Variants in RFX4 observed in about 807,000 individuals in gnomAD.
RFX4 encodes regulatory factor X4.
Under a neutral mutation model 95.0 loss-of-function variants are expected in RFX4, and 10 were observed. That is an observed-to-expected ratio of 0.11 (90% CI 0.06 to 0.18). The LOEUF (loss-of-function observed/expected upper bound fraction) is 0.18, where lower values mean the gene tolerates loss of function less well. Ranked by LOEUF, RFX4 falls within the 10% of genes least tolerant of loss-of-function variation. RFX4 has a pLI of 1.00. For missense variants in RFX4, 640 were observed against 922.0 expected, an observed-to-expected ratio of 0.69 and a Z score of 3.96; for synonymous variants, 321 against 340.7, an observed-to-expected ratio of 0.94 and a Z score of 0.64.
At chr12:106,607,219 G>A (rs1463634010) in intron 1 of RFX4, among the ~76,000 whole-genome samples, 1 of 152,044 alleles carries the variant, frequency 6.6e-6, no homozygotes, top group African/African-American at 2.4e-5. Context: ...ATACAGAATC[G>A]GCCAACAAAG....
intron 7 of RFX4, among the ~76,000 whole-genome samples, chr12:106,689,594 G>A (rs2041737386): frequency 1.3e-5 from 2 of 152,090 alleles, no homozygotes; most frequent in African/African-American, 4.8e-5. Flanking sequence ...TCCTTTGACT[G>A]AACTGGTGAA....
At chr12:106,617,950 C>T (rs144485774) in intron 2 of RFX4, among the ~76,000 whole-genome samples, 1,648 of 152,242 alleles carry the variant, frequency 0.011, 15 homozygotes, top group Admixed American at 0.019. Flanking sequence ...TGGTCTTGAA[C>T]TCCTGACCTC....
chr12:106,758,185 G>T (rs143703591), intron 17 of RFX4, among the ~76,000 whole-genome samples: 1 of 152,160 alleles, frequency 6.6e-6, no homozygotes, highest in African/African-American at 2.4e-5. Flanking sequence ...GAGGTGAGGC[G>T]GGTGCCACGG....
chr12:106,736,535 C>T (rs115301273), intron 15 of RFX4, among the ~76,000 whole-genome samples: 3 of 152,152 alleles, frequency 2.0e-5, no homozygotes, highest in Non-Finnish European at 4.4e-5. Context: ...AACCGACTCT[C>T]TTAAAAGCCC....
intron 17 of RFX4, among the ~76,000 whole-genome samples, chr12:106,759,108 AG>A (rs1261384596): frequency 6.6e-6 from 1 of 152,254 alleles, no homozygotes; most frequent in Non-Finnish European, 1.5e-5. Context: ...CAGGATGGTA[AG>A]GCCCCGGCCC....
chr12:106,742,686 C>A (rs1483373833), intron 15 of RFX4, among the ~76,000 whole-genome samples: 1 of 152,204 alleles, frequency 6.6e-6, no homozygotes, highest in East Asian at 1.9e-4. Context: ...ACACATTCAA[C>A]TGTAAGAAAC....
intron 15 of RFX4, among the ~76,000 whole-genome samples, chr12:106,744,875 G>C (rs182220966): frequency 6.6e-6 from 1 of 152,294 alleles, no homozygotes; most frequent in African/African-American, 2.4e-5. Context: ...TTGACAAAAG[G>C]AACCGTCCTT....
chr12:106,730,114 ATGACC>A (rs1283353015), intron 13 of RFX4, among the ~76,000 whole-genome samples: 1 of 152,146 alleles, frequency 6.6e-6, no homozygotes, highest in Non-Finnish European at 1.5e-5. Context: ...GGTCATGTTC[ATGACC>A]TGCTGAGCAT....
intron 17 of RFX4, among the ~76,000 whole-genome samples, chr12:106,756,294 G>A (rs893157720): frequency 2.0e-5 from 3 of 152,142 alleles, no homozygotes; most frequent in African/African-American, 4.8e-5. Context: ...AAATCTTTCT[G>A]AGCCTCATTC....
intron 3 of RFX4, among the ~76,000 whole-genome samples, chr12:106,648,626 GTTTT>G (rs59743543): frequency 2.4e-5 from 3 of 124,930 alleles, no homozygotes; most frequent in Non-Finnish European, 5.1e-5. Context: ...ATCCTGTGGG[GTTTT>G]TTTTTTTTTT....
At chr12:106,648,275 TGGATCGTGTGTGTGGGTGGAAGGTGACAA>T (rs1214591134) in intron 3 of RFX4, among the ~76,000 whole-genome samples, 9 of 152,120 alleles carry the variant, frequency 5.9e-5, no homozygotes, top group South Asian at 2.1e-4. Flanking sequence ...AGGAAGGTGA[TGGATCGTGTGTGTGGGTGGAAGGTGACAA>T]GGTGTGTCTC....
In RFX4 at chr12:106,720,649, A is replaced by G. The variant is rs4625579; in HGVS notation, c.1234-110A>G. 145,185 of 1,055,826 alleles carry G rather than the reference A, an allele frequency of 0.14. 11,188 individuals are homozygous for G. The highest frequency in any genetic ancestry group is 0.26 in the East Asian group (10,825 of 41,386). The allele number at this position is 1,055,826 out of a possible 1,614,324, so 65.4% of individuals were successfully genotyped here. ...TCATCCGCCCACCTTGGCCTCCCAA[A>G]GTGCTGGGATTACAGGCGTGAGCCA... On this transcript the variant is annotated intron_variant, in intron 12 of 17. Coordinates refer to ENST00000392842, the MANE Select transcript of RFX4 (RefSeq NM_213594.3). This position sits in a 1 kb window ranked among gnomAD's most constrained non-coding sequence, Gnocchi z 4.2.
intron 2 of RFX4, among the ~76,000 whole-genome samples, chr12:106,623,915 A>G (rs1303799753): frequency 6.6e-6 from 1 of 152,222 alleles, no homozygotes; most frequent in Non-Finnish European, 1.5e-5. Context: ...TTATTCAACA[A>G]CTCAGCATCC....
intron 9 of RFX4, 152 bp from the exon 10 acceptor site, chr12:106,711,301 G>A: frequency 1.5e-6 from 1 of 662,266 alleles, no homozygotes; most frequent in South Asian, 1.8e-5. Flanking sequence ...ATCAAGTGCA[G>A]GGTTTTGCCA....
rs189223897 is a variant in RFX4, at chr12:106,625,869, T to A, written c.131-13463T>A. ...CATTTTACAGATGAAGAAACTGAGATTCAGAGATTATGTGACTTGTTCAAT... is the reference window on the plus strand; with the variant it reads ...CATTTTACAGATGAAGAAACTGAGAATCAGAGATTATGTGACTTGTTCAAT... On this transcript the variant is annotated intron_variant, in intron 2 of 17. Transcript: ENST00000392842. Among the ~76,000 whole-genome samples, 4 of 152,300 alleles carry A rather than the reference T, an allele frequency of 2.6e-5. No individual in the cohort carries two copies. The East Asian group carries it at 7.7e-4, about 29-fold the overall frequency.
At chr12:106,606,234 G>A (rs2137196119) in intron 1 of RFX4, among the ~76,000 whole-genome samples, 1 of 152,272 alleles carries the variant, frequency 6.6e-6, no homozygotes, top group Admixed American at 6.5e-5. Flanking sequence ...GTTTCCCTTA[G>A]TTCCTGATGA....
Position 106,656,103 on chromosome 12 carries a change from A to C in RFX4, c.315+1752A>C, listed in dbSNP as rs541727946. On this transcript the variant is annotated intron_variant, in intron 4 of 17. Coordinates refer to ENST00000392842, the MANE Select transcript of RFX4 (RefSeq NM_213594.3). ...AAAATCAGTTTAAGCGCACGCCTTC[A>C]CCTCAGCACCCCAGTCCCATTTTCA... is the stretch of plus-strand genomic sequence containing the variant. Among the ~76,000 whole-genome samples, 10 of 152,078 alleles carry C rather than the reference A, an allele frequency of 6.6e-5. No individual in the cohort carries two copies. The East Asian group carries it at 1.9e-3, about 29-fold the overall frequency.
intron 4 of RFX4, among the ~76,000 whole-genome samples, chr12:106,680,261 C>T (rs1340193451): frequency 6.6e-6 from 1 of 152,140 alleles, no homozygotes; most frequent in African/African-American, 2.4e-5. Flanking sequence ...GTGGTCAGCT[C>T]CCCAGTGTAG....
At chr12:106,757,238 T>G (rs1308570777) in intron 17 of RFX4, among the ~76,000 whole-genome samples, 1 of 152,152 alleles carries the variant, frequency 6.6e-6, no homozygotes, top group Non-Finnish European at 1.5e-5. Flanking sequence ...ATCCTGACTC[T>G]AAAGGCTCAG....
Sources: gnomAD v4.1 joint callset for allele counts (sites outside exome capture counted in the v4.1 genomes callset) on GRCh38, gnomAD v4.1.1 for gene constraint, Gnocchi (gnomAD v3.1) non-coding constraint, MANE v1.5 for transcripts, NCBI Gene and HGNC (gene_info 2026-07-23, HGNC 2026-07-21) for gene names.